RSPRY1: variants seen among roughly 807,000 people sequenced by gnomAD.
RSPRY1 encodes RING finger and SPRY domain-containing protein 1.
In RSPRY1, 23 loss-of-function variants were observed where a neutral mutation model predicts 73.1. The observed-to-expected ratio is 0.31, with a 90% CI of 0.23 to 0.45. The LOEUF is 0.45. RSPRY1 is among the 20% of genes least tolerant of loss of function. The probability of loss-of-function intolerance (pLI) is 1.00; values close to 1 mark genes in which losing one functional copy is unlikely to be tolerated. For missense variants in RSPRY1, 448 were observed against 698.7 expected, an observed-to-expected ratio of 0.64 and a Z score of 4.05; for synonymous variants, 226 against 251.4, an observed-to-expected ratio of 0.90 and a Z score of 0.95.
intron 1 of RSPRY1, among the ~76,000 whole-genome samples, chr16:57,189,495 C>A (rs1347069071): frequency 6.7e-6 from 1 of 149,628 alleles, no homozygotes; most frequent in African/African-American, 2.5e-5. Context: ...CACTGTGGGG[C>A]CTGGAGGCTA....
At chr16:57,190,677 G>A (rs1327149278) in intron 1 of RSPRY1, among the ~76,000 whole-genome samples, 2 of 152,174 alleles carry the variant, frequency 1.3e-5, no homozygotes, top group African/African-American at 4.8e-5. Flanking sequence ...CCTTTTGGAG[G>A]GGACTTTTAC....
intron 1 of RSPRY1, among the ~76,000 whole-genome samples, chr16:57,199,895 G>GTTTTTTTTTTTTTTTTTTTTT (rs61132783): frequency 4.7e-5 from 5 of 106,248 alleles, no homozygotes; most frequent in Admixed American, 1.1e-4. Flanking sequence ...TTTTTTGTTT[G>GTTTTTTTTTTTTTTTTTTTTT]TTTTTTTTTT....
At chr16:57,192,782 T>A (rs1429293376) in intron 1 of RSPRY1, among the ~76,000 whole-genome samples, 2 of 151,212 alleles carry the variant, frequency 1.3e-5, no homozygotes, top group African/African-American at 4.9e-5. Flanking sequence ...CATGGTTTAC[T>A]GCAGCCTCGA....
At chr16:57,233,294 C>T (rs2075253239) in intron 13 of RSPRY1, among the ~76,000 whole-genome samples, 1 of 152,002 alleles carries the variant, frequency 6.6e-6, no homozygotes, top group Non-Finnish European at 1.5e-5. Flanking sequence ...AGTGAAGCAC[C>T]ACATACCCAC....
At chr16:57,226,423 A>G (rs1338630836) in intron 10 of RSPRY1, among the ~76,000 whole-genome samples, 1 of 152,238 alleles carries the variant, frequency 6.6e-6, no homozygotes, top group Non-Finnish European at 1.5e-5. Flanking sequence ...GGGCTGCTCA[A>G]CTGAGTATAC....
intron 4 of RSPRY1, 106 bp downstream of exon 4, chr16:57,209,293 G>T (rs1289171720): frequency 8.2e-6 from 6 of 729,680 alleles, no homozygotes; most frequent in East Asian, 2.6e-5. Flanking sequence ...ATACATTTGG[G>T]GTCTGTTTTA....
intron 1 of RSPRY1, among the ~76,000 whole-genome samples, chr16:57,201,851 C>G (rs542088898): frequency 3.9e-5 from 6 of 152,140 alleles, no homozygotes; most frequent in African/African-American, 7.2e-5. Flanking sequence ...CGCAGGCACT[C>G]GGCAGGCTGA....
chr16:57,201,652 A>C (rs1362122571), intron 1 of RSPRY1, among the ~76,000 whole-genome samples: 1 of 152,206 alleles, frequency 6.6e-6, no homozygotes, highest in African/African-American at 2.4e-5. Flanking sequence ...ACGCCACTGC[A>C]CTCCAGCCTG....
chr16:57,199,198 A>G (rs2146201200), intron 1 of RSPRY1, among the ~76,000 whole-genome samples: 1 of 152,320 alleles, frequency 6.6e-6, no homozygotes, highest in Middle Eastern at 3.4e-3. Context: ...TTCTAGTTAG[A>G]TTTAAAGAAA....
intron 6 of RSPRY1, among the ~76,000 whole-genome samples, chr16:57,215,882 T>A (rs1355590516): frequency 6.6e-6 from 1 of 152,182 alleles, no homozygotes; most frequent in East Asian, 1.9e-4. Flanking sequence ...ATCTATAAAT[T>A]AACCTAGTGA....
intron 1 of RSPRY1, among the ~76,000 whole-genome samples, chr16:57,192,293 A>T (rs930919001): frequency 6.6e-6 from 1 of 152,200 alleles, no homozygotes; most frequent in African/African-American, 2.4e-5. Context: ...AGATTTGTGT[A>T]TATTTGAATA....
At chr16:57,199,838 CTTTT>C (rs3055196) in intron 1 of RSPRY1, among the ~76,000 whole-genome samples, 1 of 132,566 alleles carries the variant, frequency 7.5e-6, no homozygotes, top group Non-Finnish European at 1.6e-5. Context: ...AGTGAAATTT[CTTTT>C]TTTTTTTTTT....
At chr16:57,197,586 C>T (rs1464794072) in intron 1 of RSPRY1, among the ~76,000 whole-genome samples, 2 of 151,992 alleles carry the variant, frequency 1.3e-5, no homozygotes, top group East Asian at 3.8e-4. Context: ...TTATAGTTGA[C>T]ATTTTCTGGG....
rs557936549 is a variant in RSPRY1, at chr16:57,187,954, T to A, written c.-156+1503T>A. ...CTAACAGCTGAAATTTTCCTCTAAG[T>A]AATTTGATCTCAACATTGTAAACCT... On this transcript the variant is annotated intron_variant, in intron 1 of 14. Coordinates refer to ENST00000394420, the MANE Select transcript of RSPRY1 (RefSeq NM_133368.3). Among the ~76,000 whole-genome samples the A allele has an allele frequency of 2.0e-5, 3 of 152,358 alleles. No individual in the cohort carries two copies. The South Asian group carries it at 6.2e-4, about 32-fold the overall frequency.
intron 1 of RSPRY1, among the ~76,000 whole-genome samples, chr16:57,193,832 G>A (rs777450749): frequency 1.3e-5 from 2 of 152,050 alleles, no homozygotes; most frequent in African/African-American, 2.4e-5. Flanking sequence ...TTGGGAGGCC[G>A]AGGTGGACAG....
chr16:57,205,915 G>T (rs1476654045), intron 2 of RSPRY1, among the ~76,000 whole-genome samples: 2 of 152,166 alleles, frequency 1.3e-5, no homozygotes, highest in Non-Finnish European at 2.9e-5. Context: ...TTACTTATGT[G>T]TTCTTTTTGC....
At chr16:57,225,310 CA>C (rs1322501736) in intron 10 of RSPRY1, among the ~76,000 whole-genome samples, 2 of 152,236 alleles carry the variant, frequency 1.3e-5, no homozygotes, top group Non-Finnish European at 2.9e-5. Flanking sequence ...ATCTGCCCCC[CA>C]AAGTGCTGAA....
intron 1 of RSPRY1, among the ~76,000 whole-genome samples, chr16:57,199,882 G>GTTTT (rs1174562755): frequency 1.5e-5 from 1 of 65,118 alleles, no homozygotes; most frequent in South Asian, 4.9e-4. Flanking sequence ...TACTCATTTT[G>GTTTT]TTTTTTTTGT....
chr16:57,210,050 C>T (rs1473402510), intron 4 of RSPRY1, among the ~76,000 whole-genome samples: 1 of 96,478 alleles, frequency 1.0e-5, no homozygotes, highest in Non-Finnish European at 2.3e-5. Flanking sequence ...TCCCTCCCTT[C>T]CTCCCTTCCT....
Sources: allele counts gnomAD v4.1 joint callset (sites outside exome capture counted in the v4.1 genomes callset), GRCh38; gene constraint gnomAD v4.1.1; transcripts MANE v1.5; gene names NCBI Gene and HGNC (gene_info 2026-07-23, HGNC 2026-07-21).